SLC26A8: variants seen among roughly 807,000 people sequenced by gnomAD.
The protein encoded by SLC26A8 is testis anion transporter 1.
A neutral mutation model predicts 105.0 loss-of-function variants in SLC26A8; 70 were observed. That is an observed-to-expected ratio of 0.67 (90% CI 0.55 to 0.81). The LOEUF is 0.81. Ranked by LOEUF, SLC26A8 falls within the 40% of genes least tolerant of loss-of-function variation. SLC26A8 has a pLI of 0.00. For missense variants in SLC26A8, 998 were observed against 1,181.8 expected (o/e 0.84, Z 2.28); for synonymous variants, 415 against 438.3 (o/e 0.95, Z 0.66).
chr6:36,008,407 A>G (rs1383354953), intron 3 of SLC26A8, among the ~76,000 whole-genome samples: 2 of 152,234 alleles, frequency 1.3e-5, no homozygotes, highest in Non-Finnish European at 2.9e-5. Flanking sequence ...CAAAGAAGAT[A>G]TGAGGATAGC....
chr6:36,013,597 G>C (rs1761921320), intron 2 of SLC26A8, among the ~76,000 whole-genome samples: 1 of 152,176 alleles, frequency 6.6e-6, no homozygotes, highest in African/African-American at 2.4e-5. Context: ...ATGATGCTGA[G>C]ATTGAGAAAA....
In SLC26A8 at chr6:35,955,387, G is replaced by A; in HGVS notation, c.1997C>T (p.Ser666Leu). 3 of 1,614,186 alleles carry A rather than the reference G, an allele frequency of 1.9e-6. No homozygotes were observed. The highest frequency in any genetic ancestry group is 1.6e-4 in the Middle Eastern group (1 of 6,062). Residue 666 changes from serine to leucine, a missense_variant, in exon 17 of 20, where the codon TCG becomes TTG. Ser to Leu is a moderately radical substitution (Grantham distance 145). Transcript: ENST00000490799. ...ASEDQVPYTV[S>L]SVSQKNQGQQ... is the part of the protein sequence containing the mutation. ...CCCTTGATTTTTCTGAGACACGGACGATACTGTGTATGGCACTTGGTCTTC... is the reference window on the plus strand; with the variant it reads ...CCCTTGATTTTTCTGAGACACGGACAATACTGTGTATGGCACTTGGTCTTC...
At position 35,943,749 on chromosome 6, in the gene SLC26A8, GA is replaced by G. The variant is rs1470507521; in HGVS notation, c.*150del. On this transcript the variant is annotated 3_prime_UTR_variant, in exon 20 of 20. Transcript: ENST00000490799. ...GATTTGGGAGTATGATCCCAGCGCAGAGCAAGGAAGAAGGCTGGCAGGTAGT... is the reference window on the plus strand; with the variant it reads ...GATTTGGGAGTATGATCCCAGCGCAGGCAAGGAAGAAGGCTGGCAGGTAGT... 1 of 1,146,956 alleles carries G rather than the reference GA, an allele frequency of 8.7e-7. No homozygotes were observed. The highest frequency in any genetic ancestry group is 1.2e-6 in the Non-Finnish European group (1 of 829,756). 71.0% of individuals were successfully genotyped at this position (1,146,956 alleles called of 1,614,324 possible). A position where few individuals can be genotyped will look rare whatever the true frequency, so the allele number is the denominator to read the frequency against.
chr6:35,975,859 G>A (rs1300866692), intron 9 of SLC26A8, among the ~76,000 whole-genome samples: 3 of 143,680 alleles, frequency 2.1e-5, no homozygotes, highest in Non-Finnish European at 4.5e-5. Flanking sequence ...GTTGTGGTGA[G>A]CCGAGATTGC....
At chr6:35,977,466 A>C in intron 8 of SLC26A8, 115 bp from the exon 9 acceptor site, 2 of 1,151,786 alleles carry the variant, frequency 1.7e-6, no homozygotes, top group Admixed American at 2.9e-5. Flanking sequence ...TTTAATAACA[A>C]TAGGGACAAG....
chr6:35,999,154 A>G (rs1467739544), intron 4 of SLC26A8, among the ~76,000 whole-genome samples: 1 of 152,190 alleles, frequency 6.6e-6, no homozygotes, highest in East Asian at 1.9e-4. Flanking sequence ...TCGGCCTCCC[A>G]AAGTGCTGCG....
At chr6:35,970,193 C>T (rs1772733302) in intron 10 of SLC26A8, among the ~76,000 whole-genome samples, 1 of 152,156 alleles carries the variant, frequency 6.6e-6, no homozygotes, top group African/African-American at 2.4e-5. Flanking sequence ...ACCAAAGGAC[C>T]ATTCAGCAAT....
At chr6:35,945,413 G>A (rs1010783146) in intron 19 of SLC26A8, among the ~76,000 whole-genome samples, 1 of 152,186 alleles carries the variant, frequency 6.6e-6, no homozygotes, top group African/African-American at 2.4e-5. Flanking sequence ...CCAACCCCCA[G>A]TGCAATCCTT....
Position 35,959,625 on chromosome 6 carries a change from A to G in SLC26A8, c.1732-34T>C, listed in dbSNP as rs1370340572. 2.5e-6 allele frequency: 4 copies of G among 1,609,438 alleles called. No homozygotes were observed. In the East Asian group the frequency reaches 8.9e-5, roughly 36 times the overall value. The stretch of plus-strand genomic sequence containing the variant: ...CATGAGAGGTCTCATCCAGAGGAAG[A>G]ATGGTGGAACAGAAGGTGAAAGAGT... On this transcript the variant is annotated intron_variant, in intron 15 of 19. Coordinates refer to ENST00000490799, the MANE Select transcript of SLC26A8 (RefSeq NM_052961.4).
At chr6:36,016,794 A>G (rs898613870) in intron 2 of SLC26A8, among the ~76,000 whole-genome samples, 1 of 152,226 alleles carries the variant, frequency 6.6e-6, no homozygotes, top group Non-Finnish European at 1.5e-5. Context: ...TACACTATAT[A>G]CAAACATTAA....
At chr6:35,982,684 T>C (rs188089131) in intron 7 of SLC26A8, among the ~76,000 whole-genome samples, 29 of 152,338 alleles carry the variant, frequency 1.9e-4, no homozygotes, top group African/African-American at 6.5e-4. Flanking sequence ...AATATAAACA[T>C]GTTTTCAGAT....
chr6:35,980,762 C>T (rs1773235430), intron 8 of SLC26A8, among the ~76,000 whole-genome samples: 1 of 152,190 alleles, frequency 6.6e-6, no homozygotes. Context: ...CCTGTAATCC[C>T]AGCACTTTGG....
chr6:35,951,558 T>C, intron 17 of SLC26A8, 59 bp from the exon 18 acceptor site: 1 of 1,574,582 alleles, frequency 6.4e-7, no homozygotes, highest in Non-Finnish European at 8.7e-7. Flanking sequence ...AAAGGCCTTC[T>C]AATTAGCTAA....
intron 19 of SLC26A8, 149 bp from the exon 20 acceptor site, chr6:35,944,489 A>G (rs1771597419): frequency 4.7e-6 from 2 of 428,368 alleles, no homozygotes; most frequent in African/African-American, 4.0e-5. Context: ...TGGGCAACAT[A>G]GTAAAACTTC....
intron 1 of SLC26A8, among the ~76,000 whole-genome samples, chr6:36,022,298 C>T (rs879332288): frequency 2.0e-5 from 3 of 152,182 alleles, no homozygotes; most frequent in South Asian, 2.1e-4. Context: ...AGTAGTAATA[C>T]GCACAGAGAT....
intron 17 of SLC26A8, among the ~76,000 whole-genome samples, chr6:35,954,064 G>A (rs1342816239): frequency 1.3e-5 from 2 of 152,162 alleles, no homozygotes; most frequent in Non-Finnish European, 2.9e-5. Flanking sequence ...ATCACCAAGA[G>A]GGAGACAGAG....
At chr6:35,949,930 C>G (rs1334600004) in intron 19 of SLC26A8, among the ~76,000 whole-genome samples, 1 of 151,894 alleles carries the variant, frequency 6.6e-6, no homozygotes, top group African/African-American at 2.4e-5. Flanking sequence ...CTCAGCCTCC[C>G]AAGTAGCTGG....
chr6:35,951,347 G>A lies in SLC26A8; in HGVS notation c.2288C>T (p.Ser763Phe). The A allele has an allele frequency of 1.9e-6, 3 of 1,614,080 alleles. No homozygotes were observed. Among genetic ancestry groups the A allele is most frequent in the African/African-American group, 1.3e-5 (1 of 75,002 alleles). Residue 763 changes from serine to phenylalanine, a missense_variant and splice_region_variant, in exon 19 of 20, where the codon TCT (serine) becomes TTT (phenylalanine). Transcript: ENST00000490799. Reference protein sequence around the residue: ...NILILIAGCHSSIVRAFERND... With the variant: ...NILILIAGCHFSIVRAFERND... Reference sequence around the variant, plus strand: ...CCTCTCAAATGCCCTGACTATGGAAGCTAAAAACCAAACCCAGAACACACA... The same window carrying A: ...CCTCTCAAATGCCCTGACTATGGAAACTAAAAACCAAACCCAGAACACACA...
Position 35,992,576 on chromosome 6 carries a change from C to T in SLC26A8, c.726G>A (p.Leu242=), listed in dbSNP as rs1206571271. 7 of 1,613,986 alleles carry T rather than the reference C, an allele frequency of 4.3e-6. No individual in the cohort carries two copies. The highest frequency in any genetic ancestry group is 5.9e-6 in the Non-Finnish European group (7 of 1,180,014). The change falls in exon 6 of 20, where the codon CTG becomes CTA. Residue 242 remains leucine (L), a synonymous_variant. Coordinates refer to ENST00000490799, the MANE Select transcript of SLC26A8 (RefSeq NM_052961.4). ...YLAAVALHIM[L]SQLTFIFGIM... ...TCCCAAAGATGAAAGTCAGCTGGGA[C>T]AGCATGATATGAAGTGCCACAGCAG...
Sources: gnomAD v4.1 joint callset for allele counts (sites outside exome capture counted in the v4.1 genomes callset) on GRCh38, gnomAD v4.1.1 for gene constraint, MANE v1.5 for transcripts, NCBI Gene and HGNC (gene_info 2026-07-23, HGNC 2026-07-21) for gene names.